HIKESHI: variants seen among roughly 807,000 people sequenced by gnomAD.
HIKESHI encodes heat shock protein nuclear import factor hikeshi, also known as protein Hikeshi.
Under a neutral mutation model 25.7 loss-of-function variants are expected in HIKESHI, and 13 were observed. The observed-to-expected ratio is 0.51, with a 90% CI of 0.33 to 0.80. The LOEUF is 0.80. HIKESHI is among the 30% of genes least tolerant of loss of function. The pLI, the probability that HIKESHI is intolerant of heterozygous loss-of-function variation, is 0.02. For missense variants in HIKESHI, 174 were observed against 229.5 expected (o/e 0.76, Z 1.56); for synonymous variants, 76 against 78.7 (o/e 0.97, Z 0.18).
intron 1 of HIKESHI, among the ~76,000 whole-genome samples, chr11:86,305,125 G>A (rs933774466): frequency 9.9e-5 from 15 of 152,180 alleles, no homozygotes; most frequent in African/African-American, 2.6e-4. Context: ...TTAGCCTCCC[G>A]AGTAGCTGGG....
chr11:86,317,304 C>G (rs1244493674), intron 2 of HIKESHI, among the ~76,000 whole-genome samples: 1 of 150,174 alleles, frequency 6.7e-6, no homozygotes, highest in Non-Finnish European at 1.5e-5. Context: ...GCCTGGGCAA[C>G]AGAGCAAGAC....
At chr11:86,337,037 T>G (rs1193121073) in intron 2 of HIKESHI, among the ~76,000 whole-genome samples, 1 of 152,106 alleles carries the variant, frequency 6.6e-6, no homozygotes, top group Non-Finnish European at 1.5e-5. Context: ...AAAAACTAAG[T>G]CATTGCTGGC....
At chr11:86,325,996 G>T (rs535646557) in intron 2 of HIKESHI, among the ~76,000 whole-genome samples, 1 of 151,982 alleles carries the variant, frequency 6.6e-6, no homozygotes, top group African/African-American at 2.4e-5. Context: ...TGTGGAAGGG[G>T]CATTTAACTA....
At chr11:86,336,557 C>T (rs191410277) in intron 2 of HIKESHI, among the ~76,000 whole-genome samples, 20 of 152,206 alleles carry the variant, frequency 1.3e-4, no homozygotes, top group East Asian at 1.2e-3. Flanking sequence ...CCAAATCTGC[C>T]GGTTCCTTGA....
chr11:86,344,533 T>C, intron 3 of HIKESHI, 70 bp from the exon 4 acceptor site: 1 of 935,478 alleles, frequency 1.1e-6, no homozygotes, highest in Non-Finnish European at 1.6e-6. Context: ...GAGAACACTT[T>C]TAATTTAAAA....
intron 3 of HIKESHI, among the ~76,000 whole-genome samples, chr11:86,341,488 C>CTTTTTTTTTTTTTTT (rs112151717): frequency 2.8e-5 from 4 of 142,810 alleles, no homozygotes; most frequent in Admixed American, 7.0e-5. Flanking sequence ...TGGAATTCTC[C>CTTTTTTTTTTTTTTT]TTTTTTTTTT....
chr11:86,335,274 A>G (rs1436423301), intron 2 of HIKESHI, among the ~76,000 whole-genome samples: 1 of 152,188 alleles, frequency 6.6e-6, no homozygotes, highest in Non-Finnish European at 1.5e-5. Flanking sequence ...AAAAGTATCT[A>G]CCTTGGGGGT....
At chr11:86,344,340 T>C (rs1947813792) in intron 3 of HIKESHI, 1 of 327,564 alleles carries the variant, frequency 3.1e-6, no homozygotes, top group Non-Finnish European at 5.5e-6. Context: ...ATTTATTTAA[T>C]TTTATTTTTT....
intron 2 of HIKESHI, among the ~76,000 whole-genome samples, chr11:86,308,607 A>G (rs1946748268): frequency 8.6e-6 from 1 of 116,950 alleles, no homozygotes; most frequent in Admixed American, 9.3e-5. Flanking sequence ...TCTAGGGTAC[A>G]TGTGCAGAAC....
At chr11:86,339,506 T>A (rs1407195450) in intron 3 of HIKESHI, among the ~76,000 whole-genome samples, 1 of 152,236 alleles carries the variant, frequency 6.6e-6, no homozygotes, top group Non-Finnish European at 1.5e-5. Flanking sequence ...TTGCCACTAA[T>A]TTTTAAAAAA....
In HIKESHI at chr11:86,306,387, A is replaced by T; in HGVS notation, c.173A>T (p.Tyr58Phe). ...ATGGGAGGATCTGTCTACTTTTCTT[A>T]TCCTGATTCAAATGGAATGCCAGTA... The part of the protein sequence containing the change: ...EGMGGSVYFS[Y>F]PDSNGMPVWQ... The change falls in exon 2 of 5, where the codon TAT (tyrosine) becomes TTT (phenylalanine). Residue 58 changes from tyrosine to phenylalanine, a missense_variant. Tyr to Phe is a conservative substitution (Grantham distance 22, BLOSUM62 3). Coordinates refer to ENST00000278483, the MANE Select transcript of HIKESHI (RefSeq NM_016401.4). 1 of 1,614,026 alleles carries T rather than the reference A, an allele frequency of 6.2e-7. No homozygotes were observed. Among genetic ancestry groups the T allele is most frequent in the Non-Finnish European group, 8.5e-7 (1 of 1,179,898 alleles).
Position 86,329,988 on chromosome 11 carries a change from C to T in HIKESHI, c.269-7391C>T, listed in dbSNP as rs538907822. Among the ~76,000 whole-genome samples the T allele has an allele frequency of 5.3e-5, 8 of 151,834 alleles. No homozygotes were observed. The South Asian group carries it at 1.7e-3, about 32-fold the overall frequency. ...TGCTTTTTAAGTAGGGTGTTTAGTC[C>T]ATTAATATTTACAGTTATTTATATG... On this transcript the variant is annotated intron_variant, in intron 2 of 4. Coordinates refer to ENST00000278483, the MANE Select transcript of HIKESHI (RefSeq NM_016401.4).
chr11:86,308,086 A>G lies in HIKESHI; in HGVS notation c.268+1604A>G, dbSNP rs183571483. Among the ~76,000 whole-genome samples, 1,207 of 126,052 alleles carry G rather than the reference A, an allele frequency of 9.6e-3. 4 individuals carry two copies. The highest frequency in any genetic ancestry group is 0.016 in the Middle Eastern group (2 of 126). 82.7% of individuals were successfully genotyped at this position (126,052 alleles called of 152,430 possible). The stretch of plus-strand genomic sequence containing the variant: ...ATAATATGTATATTACGTAAAATAT[A>G]CTATATAAATATACTATATACTATA... On this transcript the variant is annotated intron_variant, in intron 2 of 4. Coordinates refer to ENST00000278483, the MANE Select transcript of HIKESHI (RefSeq NM_016401.4).
chr11:86,305,101 G>A (rs1206494308), intron 1 of HIKESHI, among the ~76,000 whole-genome samples: 1 of 152,236 alleles, frequency 6.6e-6, no homozygotes, highest in Non-Finnish European at 1.5e-5. Context: ...CTGGGTTCAA[G>A]TGATTATCTG....
At position 86,313,379 on chromosome 11, in the gene HIKESHI, C is replaced by T. The variant is rs553099289; in HGVS notation, c.268+6897C>T. Among the ~76,000 whole-genome samples, 12 of 152,174 alleles carry T rather than the reference C, an allele frequency of 7.9e-5. No individual in the cohort carries two copies. The South Asian group carries it at 8.3e-4, about 11-fold the overall frequency. ...CTGAGTACTTGGGATTACAGGCACC[C>T]GCCACCACACCTTGCTAATTTTTTG... On this transcript the variant is annotated intron_variant, in intron 2 of 4. Coordinates refer to ENST00000278483, the MANE Select transcript of HIKESHI (RefSeq NM_016401.4).
intron 2 of HIKESHI, chr11:86,326,654 T>A (rs12295985): frequency 0.25 from 104,711 of 416,010 alleles, 14,959 homozygotes; most frequent in Non-Finnish European, 0.31. Context: ...AAGATTAGAC[T>A]GGAGCATGAA....
intron 2 of HIKESHI, 84 bp from the exon 3 acceptor site, chr11:86,337,295 T>C: frequency 7.6e-7 from 1 of 1,319,210 alleles, no homozygotes; most frequent in African/African-American, 1.5e-5. Flanking sequence ...GTATATAAAT[T>C]AGAGGTTCTT....
rs573242184 is a variant in HIKESHI at position 86,337,842 on chromosome 11, T to C, written c.420+312T>C. ...CCGGCTAAGTTTTGTATTTTTTTTT[T>C]AGTAGAGACAGGGTATTGCCATGTT... On this transcript the variant is annotated intron_variant, in intron 3 of 4. Transcript: ENST00000278483. 2.6e-5 allele frequency among the ~76,000 whole-genome samples: 4 copies of C among 152,052 alleles called. 1 individual carries two copies. The highest frequency in any genetic ancestry group is 9.6e-5 in the African/African-American group (4 of 41,492).
At chr11:86,320,909 T>C (rs1232719337) in intron 2 of HIKESHI, among the ~76,000 whole-genome samples, 1 of 152,184 alleles carries the variant, frequency 6.6e-6, no homozygotes, top group African/African-American at 2.4e-5. Context: ...ATTCATGTTA[T>C]GTCGATCCTT....
Sources: gnomAD v4.1 joint callset for allele counts (sites outside exome capture counted in the v4.1 genomes callset) on GRCh38, gnomAD v4.1.1 for gene constraint, MANE v1.5 for transcripts, NCBI Gene and HGNC (gene_info 2026-07-23, HGNC 2026-07-21) for gene names.